The following KCNIP4 variants were observed in gnomAD, a reference collection of about 807,000 sequenced individuals.
The protein encoded by KCNIP4 is Kv channel-interacting protein 4.
Under a neutral mutation model 34.0 loss-of-function variants are expected in KCNIP4, and 12 were observed. That is an observed-to-expected ratio of 0.35 (90% CI 0.23 to 0.57). The LOEUF (loss-of-function observed/expected upper bound fraction) is 0.57. Among genes scored for constraint, KCNIP4 ranks in the 20% least tolerant of loss-of-function variants. KCNIP4 has a pLI of 0.83. For synonymous variants in KCNIP4, 124 were observed against 102.2 expected (o/e 1.21, Z -1.29); for missense variants, 238 against 311.7 (o/e 0.76, Z 1.78).
rs1166465637 is a variant in KCNIP4 at position 21,391,422 on chromosome 4, C to T, written c.62-508713G>A. 2.6e-5 allele frequency among the ~76,000 whole-genome samples: 4 copies of T among 152,270 alleles called. No homozygotes were observed. The East Asian group carries it at 5.8e-4, about 22-fold the overall frequency. ...CAAAAAGCTCAGTAATTTTTTGATG[C>T]TAGGTGGCCACCTGAGCACACTGAA... On this transcript the variant is annotated intron_variant, in intron 1 of 8. Transcript: ENST00000382152.
intron 1 of KCNIP4, among the ~76,000 whole-genome samples, chr4:21,195,357 AG>A (rs1755980269): frequency 6.6e-6 from 1 of 152,242 alleles, no homozygotes; most frequent in Admixed American, 6.5e-5. Context: ...TATTTATGTC[AG>A]CAGGCTTCTA....
chr4:21,022,984 G>T (rs1261695937), intron 1 of KCNIP4, among the ~76,000 whole-genome samples: 1 of 151,904 alleles, frequency 6.6e-6, no homozygotes, highest in East Asian at 1.9e-4. Context: ...CACCATGCCT[G>T]GCTAATTTTT....
chr4:21,103,196 G>A (rs955772656), intron 1 of KCNIP4, among the ~76,000 whole-genome samples: 2 of 150,944 alleles, frequency 1.3e-5, no homozygotes, highest in African/African-American at 4.9e-5. Context: ...GTGATCTTGG[G>A]TAAACTGTAA....
intron 1 of KCNIP4, among the ~76,000 whole-genome samples, chr4:21,789,616 G>T (rs188972435): frequency 7.2e-5 from 11 of 152,320 alleles, no homozygotes; most frequent in Admixed American, 1.3e-4. Context: ...CTACATCTGT[G>T]TGAAGAACAG....
chr4:20,852,047 A>G (rs959086738), intron 2 of KCNIP4, among the ~76,000 whole-genome samples: 1 of 152,116 alleles, frequency 6.6e-6, no homozygotes, highest in African/African-American at 2.4e-5. Context: ...AAAAAATAGA[A>G]CCTTAGACTC....
intron 1 of KCNIP4, among the ~76,000 whole-genome samples, chr4:21,815,467 G>T (rs1012684128): frequency 9.2e-5 from 14 of 151,982 alleles, no homozygotes; most frequent in African/African-American, 3.4e-4. Context: ...CACTAAAGAT[G>T]ATTAAAGGTC....
intron 1 of KCNIP4, among the ~76,000 whole-genome samples, chr4:21,876,007 A>G (rs1323861267): frequency 6.6e-6 from 1 of 152,078 alleles, no homozygotes; most frequent in Non-Finnish European, 1.5e-5. Context: ...TTGTTTTTGA[A>G]CCATGGATCC....
At chr4:20,855,212 C>T (rs1721443739) in intron 2 of KCNIP4, among the ~76,000 whole-genome samples, 1 of 152,130 alleles carries the variant, frequency 6.6e-6, no homozygotes, top group Non-Finnish European at 1.5e-5. Flanking sequence ...AAATATCATC[C>T]TTCAGTCCAG....
At chr4:21,853,819 C>T (rs1388566216) in intron 1 of KCNIP4, among the ~76,000 whole-genome samples, 1 of 152,178 alleles carries the variant, frequency 6.6e-6, no homozygotes. Flanking sequence ...AGCTGGGCTG[C>T]CACAGGCAAG....
At chr4:21,630,773 C>T (rs1363111941) in intron 1 of KCNIP4, among the ~76,000 whole-genome samples, 1 of 152,128 alleles carries the variant, frequency 6.6e-6, no homozygotes, top group Non-Finnish European at 1.5e-5. Context: ...CAGTTGTTTC[C>T]TTAATAGCCT....
chr4:21,051,128 A>G (rs1470458371), intron 1 of KCNIP4, among the ~76,000 whole-genome samples: 4 of 152,174 alleles, frequency 2.6e-5, no homozygotes, highest in Admixed American at 2.0e-4. Flanking sequence ...TGTTTTATTC[A>G]TGGTTGTTCC....
chr4:20,872,962 C>G (rs938207275), intron 2 of KCNIP4, among the ~76,000 whole-genome samples: 1 of 152,188 alleles, frequency 6.6e-6, no homozygotes, highest in Non-Finnish European at 1.5e-5. Context: ...ACCTTCATGG[C>G]CTTCCCTCTA....
chr4:21,639,403 A>G (rs1746450667), intron 1 of KCNIP4, among the ~76,000 whole-genome samples: 1 of 152,192 alleles, frequency 6.6e-6, no homozygotes, highest in African/African-American at 2.4e-5. Flanking sequence ...ACAAATCTAT[A>G]CAATTGTCAG....
intron 1 of KCNIP4, among the ~76,000 whole-genome samples, chr4:21,795,365 G>T (rs1388900254): frequency 6.6e-6 from 1 of 152,164 alleles, no homozygotes; most frequent in Non-Finnish European, 1.5e-5. Context: ...CGTCTGTTGC[G>T]TAAGCCACCC....
chr4:21,463,304 T>A (rs35854475), intron 1 of KCNIP4, among the ~76,000 whole-genome samples: 15,612 of 152,126 alleles, frequency 0.1, 1,118 homozygotes, highest in South Asian at 0.16. Flanking sequence ...TCTTTGTCAT[T>A]TGAATGTCTT....
intron 1 of KCNIP4, among the ~76,000 whole-genome samples, chr4:21,325,031 T>C (rs1029718961): frequency 2.6e-5 from 4 of 151,890 alleles, no homozygotes; most frequent in Non-Finnish European, 5.9e-5. Flanking sequence ...ATGGGATTAT[T>C]TTCTGGATTT....
intron 1 of KCNIP4, among the ~76,000 whole-genome samples, chr4:21,106,626 C>T (rs1462971246): frequency 7.3e-5 from 11 of 151,270 alleles, no homozygotes; most frequent in Non-Finnish European, 5.9e-5. Flanking sequence ...TAGTTATTTC[C>T]TGCCTTCTGC....
chr4:20,873,845 C>T lies in KCNIP4; in HGVS notation c.163+8763G>A, dbSNP rs1723729945. On this transcript the variant is annotated intron_variant, in intron 2 of 8. Transcript: ENST00000382152. ...CCCCAGATCACTTTGCTGGCTGCTTCTCTTTCATACTTCTTGCCCCTCCTG... is the reference window on the plus strand; with the variant it reads ...CCCCAGATCACTTTGCTGGCTGCTTTTCTTTCATACTTCTTGCCCCTCCTG... Among the ~76,000 whole-genome samples, 3 of 152,198 alleles carry T rather than the reference C, an allele frequency of 2.0e-5. No homozygotes were observed. In the East Asian group the frequency reaches 5.8e-4, roughly 29 times the overall value.
At chr4:21,460,103 GCCC>G (rs550026365) in intron 1 of KCNIP4, among the ~76,000 whole-genome samples, 12 of 57,004 alleles carry the variant, frequency 2.1e-4, no homozygotes, top group South Asian at 1.1e-3. Flanking sequence ...TCTGCCCCCC[GCCC>G]CCCATCTCTT....
Sources: allele counts gnomAD v4.1 joint callset (sites outside exome capture counted in the v4.1 genomes callset), GRCh38; gene constraint gnomAD v4.1.1; transcripts MANE v1.5; gene names NCBI Gene and HGNC (gene_info 2026-07-23, HGNC 2026-07-21).